The following MYO1D variants were observed in gnomAD, a reference collection of about 807,000 sequenced individuals.
The protein encoded by MYO1D is unconventional myosin-Id.
In MYO1D, 83 loss-of-function variants were observed where a neutral mutation model predicts 122.0. The ratio of observed to expected loss-of-function variants is 0.68; its 90% CI spans 0.57 to 0.82. The LOEUF (loss-of-function observed/expected upper bound fraction) is 0.82. MYO1D is among the 40% of genes least tolerant of loss of function. The probability of loss-of-function intolerance (pLI) is 0.00; values close to 1 mark genes in which losing one functional copy is unlikely to be tolerated. For missense variants in MYO1D, 1,157 were observed against 1,269.5 expected (o/e 0.91, Z 1.35); for synonymous variants, 464 against 446.9 (o/e 1.04, Z -0.48).
At chr17:32,676,994 T>C (rs185356097) in intron 16 of MYO1D, among the ~76,000 whole-genome samples, 89 of 152,032 alleles carry the variant, frequency 5.9e-4, no homozygotes, top group African/African-American at 2.0e-3. Context: ...GTATTTTTAG[T>C]AGAGATGGGG....
intron 14 of MYO1D, 76 bp downstream of exon 14, chr17:32,738,177 C>A: frequency 7.8e-7 from 1 of 1,281,420 alleles, no homozygotes; most frequent in South Asian, 1.9e-5. Flanking sequence ...AAAAGCAAAT[C>A]ATACATACAT....
intron 1 of MYO1D, among the ~76,000 whole-genome samples, chr17:32,828,471 G>A (rs998703654): frequency 7.4e-6 from 1 of 135,062 alleles, no homozygotes; most frequent in East Asian, 2.2e-4. Context: ...AGCAGAGATC[G>A]CACCACTGAA....
At chr17:32,789,082 A>G (rs933999450) in intron 1 of MYO1D, among the ~76,000 whole-genome samples, 3 of 152,134 alleles carry the variant, frequency 2.0e-5, no homozygotes, top group African/African-American at 7.2e-5. Flanking sequence ...GTCAGTATAT[A>G]GCAGTGCTGC....
intron 1 of MYO1D, among the ~76,000 whole-genome samples, chr17:32,875,113 G>A (rs892049105): frequency 2.0e-5 from 3 of 152,174 alleles, no homozygotes; most frequent in Non-Finnish European, 4.4e-5. Context: ...ATATTCAACT[G>A]TTACTACATG....
At chr17:32,751,043 A>G (rs962627251) in intron 11 of MYO1D, among the ~76,000 whole-genome samples, 14 of 152,172 alleles carry the variant, frequency 9.2e-5, no homozygotes, top group Admixed American at 3.3e-4. Context: ...GTTGCAACTG[A>G]TCTGAACACA....
intron 16 of MYO1D, among the ~76,000 whole-genome samples, chr17:32,663,867 A>G (rs918969981): frequency 6.6e-6 from 1 of 152,166 alleles, no homozygotes; most frequent in African/African-American, 2.4e-5. Flanking sequence ...TTTGAAGAAC[A>G]TATCGATTTT....
At chr17:32,809,431 CTT>C (rs57040549) in intron 1 of MYO1D, among the ~76,000 whole-genome samples, 8 of 135,924 alleles carry the variant, frequency 5.9e-5, no homozygotes, top group African/African-American at 1.9e-4. Flanking sequence ...TGGCCTAGGC[CTT>C]TTTTTTTTTT....
intron 15 of MYO1D, among the ~76,000 whole-genome samples, chr17:32,714,760 G>A (rs1321174490): frequency 6.6e-6 from 1 of 152,004 alleles, no homozygotes; most frequent in African/African-American, 2.4e-5. Context: ...ATACAGGCAT[G>A]GGCAAAGACT....
chr17:32,508,278 G>T (rs1909568457), intron 21 of MYO1D, among the ~76,000 whole-genome samples: 1 of 150,586 alleles, frequency 6.6e-6, no homozygotes, highest in South Asian at 2.1e-4. Context: ...CCAGTCTATG[G>T]TATCTTTTTT....
At chr17:32,821,362 A>G (rs1320053992) in intron 1 of MYO1D, among the ~76,000 whole-genome samples, 1 of 152,214 alleles carries the variant, frequency 6.6e-6, no homozygotes, top group Non-Finnish European at 1.5e-5. Context: ...ACTTGTGGGA[A>G]TATTCTTAAA....
intron 19 of MYO1D, among the ~76,000 whole-genome samples, chr17:32,642,832 C>A (rs529610976): frequency 0.016 from 2,412 of 152,116 alleles, 57 homozygotes; most frequent in African/African-American, 0.047. Context: ...GGGCTGAGAC[C>A]ATGGGGTTTT....
At chr17:32,603,180 T>A (rs2087582677) in intron 21 of MYO1D, among the ~76,000 whole-genome samples, 1 of 152,100 alleles carries the variant, frequency 6.6e-6, no homozygotes, top group Non-Finnish European at 1.5e-5. Context: ...ATAGAGGACA[T>A]ACGCCTAGAA....
At chr17:32,635,504 GC>G (rs1276206377) in intron 20 of MYO1D, among the ~76,000 whole-genome samples, 1 of 152,038 alleles carries the variant, frequency 6.6e-6, no homozygotes, top group African/African-American at 2.4e-5. Flanking sequence ...CTCAAGACCA[GC>G]CTGGTGAAAC....
In MYO1D at chr17:32,662,204, G is replaced by A. The variant is rs138868447; in HGVS notation, c.2122-2866C>T. Among the ~76,000 whole-genome samples, 26 of 152,070 alleles carry A rather than the reference G, an allele frequency of 1.7e-4. No homozygotes were observed. In the East Asian group the frequency reaches 4.4e-3, roughly 26 times the overall value. Reference sequence around the variant, plus strand: ...TCCGAGTTCTCCCCCACCGCCCCACGCCCAGTAGCTTTCAAGAAAAGGTGT... The same window carrying A: ...TCCGAGTTCTCCCCCACCGCCCCACACCCAGTAGCTTTCAAGAAAAGGTGT... On this transcript the variant is annotated intron_variant, in intron 16 of 21. Coordinates refer to ENST00000318217, the MANE Select transcript of MYO1D (RefSeq NM_015194.3).
intron 21 of MYO1D, among the ~76,000 whole-genome samples, chr17:32,568,240 A>G (rs1304167798): frequency 2.6e-5 from 4 of 151,980 alleles, no homozygotes; most frequent in Non-Finnish European, 5.9e-5. Flanking sequence ...TCTGAAAATT[A>G]CTGAGAACTT....
chr17:32,570,903 T>A (rs2150895407), intron 21 of MYO1D, among the ~76,000 whole-genome samples: 1 of 152,248 alleles, frequency 6.6e-6, no homozygotes, highest in East Asian at 1.9e-4. Context: ...TGAATCTAAG[T>A]CACCAAGCAC....
intron 21 of MYO1D, among the ~76,000 whole-genome samples, chr17:32,567,531 GT>G (rs959341760): frequency 2.0e-5 from 3 of 152,208 alleles, no homozygotes; most frequent in African/African-American, 4.8e-5. Flanking sequence ...GATGTCTCTT[GT>G]CTAGTAAGTA....
chr17:32,748,865 T>C, intron 12 of MYO1D, 71 bp downstream of exon 12: 2 of 1,369,166 alleles, frequency 1.5e-6, no homozygotes, highest in Non-Finnish European at 2.1e-6. Flanking sequence ...CCAATTTACA[T>C]TTTTCCTGGT....
intron 21 of MYO1D, among the ~76,000 whole-genome samples, chr17:32,523,965 G>GT (rs1329621233): frequency 3.3e-5 from 5 of 152,146 alleles, no homozygotes; most frequent in African/African-American, 1.2e-4. Context: ...TACAGACTTT[G>GT]TGAAGATCAA....
Sources: allele counts gnomAD v4.1 joint callset (sites outside exome capture counted in the v4.1 genomes callset), GRCh38; gene constraint gnomAD v4.1.1; transcripts MANE v1.5; gene names NCBI Gene and HGNC (gene_info 2026-07-23, HGNC 2026-07-21).